Variants in TMLHE observed in about 807,000 individuals in gnomAD.
TMLHE encodes trimethyllysine dioxygenase, mitochondrial.
A neutral mutation model predicts 25.7 loss-of-function variants in TMLHE; 18 were observed. The observed-to-expected ratio is 0.70, with a 90% CI of 0.48 to 1.04. The LOEUF (loss-of-function observed/expected upper bound fraction) is 1.04. TMLHE is among the 50% of genes least tolerant of loss of function. TMLHE has a pLI of 0.00. For synonymous variants in TMLHE, 105 were observed against 97.0 expected (o/e 1.08, Z -0.49); for missense variants, 236 against 259.0 (o/e 0.91, Z 0.61).
At chrX:155,576,876 A>G (rs2067593518) in intron 1 of TMLHE, among the ~76,000 whole-genome samples, 1 of 112,318 alleles carries the variant, frequency 8.9e-6, no homozygotes, top group African/African-American at 3.2e-5. Context: ...TTCAAGACTT[A>G]TAAATGTAAA....
rs1198019535 is a variant in TMLHE, at chrX:155,565,368, G to C, written c.-1-20091C>G. 4.9e-5 allele frequency among the ~76,000 whole-genome samples: 3 copies of C among 61,566 alleles called. 1 individual carries two copies. The highest frequency in any genetic ancestry group is 1.4e-4 in the Non-Finnish European group (3 of 22,005). 53.5% of individuals were successfully genotyped at this position (61,566 alleles called of 115,157 possible). On this transcript the variant is annotated intron_variant, in intron 1 of 7. Transcript: ENST00000334398. The stretch of plus-strand genomic sequence containing the variant: ...TGAAGTAAAGTTTAGGTCAAACAAA[G>C]GTGGTCTAGGGTCAAGAGTAGGTGA...
At chrX:155,596,128 A>C (rs1319386182) in intron 1 of TMLHE, among the ~76,000 whole-genome samples, 2 of 112,183 alleles carry the variant, frequency 1.8e-5, no homozygotes, top group Non-Finnish European at 3.8e-5. Context: ...GTGCAAATGC[A>C]GTCAGGTTTA....
intron 1 of TMLHE, among the ~76,000 whole-genome samples, chrX:155,549,878 C>T (rs2067402231): frequency 9.1e-6 from 1 of 109,599 alleles, no homozygotes. Context: ...CTCCCCTAGC[C>T]CCCACTCCCC....
intron 2 of TMLHE, among the ~76,000 whole-genome samples, chrX:155,527,361 C>T (rs1557336611): frequency 1.8e-5 from 2 of 111,720 alleles, no homozygotes; most frequent in African/African-American, 6.5e-5. Context: ...CTTGCTTGCC[C>T]TTTACCTTCT....
intron 2 of TMLHE, among the ~76,000 whole-genome samples, chrX:155,530,852 A>T (rs1195453178): frequency 8.9e-6 from 1 of 112,559 alleles, no homozygotes; most frequent in African/African-American, 3.2e-5. Flanking sequence ...CTAAACCAAG[A>T]AAACCGGCAG....
chrX:155,556,387 C>T (rs948321580), intron 1 of TMLHE, among the ~76,000 whole-genome samples: 12 of 111,010 alleles, frequency 1.1e-4, no homozygotes, highest in African/African-American at 3.3e-4. Context: ...TCCTAAGCAT[C>T]GGCTGGCTTG....
At chrX:155,515,484 T>C (rs2067146199) in intron 3 of TMLHE, among the ~76,000 whole-genome samples, 1 of 110,894 alleles carries the variant, frequency 9.0e-6, no homozygotes, top group Non-Finnish European at 1.9e-5. Flanking sequence ...ATATTACATT[T>C]CTTAAAAGTT....
chrX:155,605,195 A>G (rs2067779709), intron 1 of TMLHE, among the ~76,000 whole-genome samples: 1 of 112,412 alleles, frequency 8.9e-6, no homozygotes, highest in African/African-American at 3.2e-5. Context: ...CTGAAAGATG[A>G]AATGGCCATT....
intron 4 of TMLHE, among the ~76,000 whole-genome samples, chrX:155,512,389 A>G (rs964412653): frequency 4.0e-5 from 4 of 100,912 alleles, no homozygotes; most frequent in African/African-American, 1.5e-4. Flanking sequence ...TCATTGTTCA[A>G]TTCCCACCTA....
chrX:155,557,111 C>T (rs1343108093), intron 1 of TMLHE, among the ~76,000 whole-genome samples: 3 of 111,546 alleles, frequency 2.7e-5, no homozygotes, highest in African/African-American at 6.5e-5. Flanking sequence ...GTGTAGTTAA[C>T]GCAATTATTA....
chrX:155,577,078 C>A (rs2067595276), intron 1 of TMLHE, among the ~76,000 whole-genome samples: 1 of 111,868 alleles, frequency 8.9e-6, no homozygotes. Context: ...AGACAACACA[C>A]AGAATGGGGC....
chrX:155,523,912 C>T (rs1240795854), intron 3 of TMLHE, among the ~76,000 whole-genome samples: 1 of 111,684 alleles, frequency 9.0e-6, no homozygotes, highest in Non-Finnish European at 1.9e-5. Context: ...TTATTTGAAG[C>T]TATTTTTGAA....
At chrX:155,559,067 C>A (rs1557341287) in intron 1 of TMLHE, among the ~76,000 whole-genome samples, 1 of 111,415 alleles carries the variant, frequency 9.0e-6, no homozygotes, top group Non-Finnish European at 1.9e-5. Flanking sequence ...CTTTGTTAGC[C>A]TCAGTAATAT....
intron 1 of TMLHE, among the ~76,000 whole-genome samples, chrX:155,559,885 C>T (rs1205320824): frequency 8.9e-6 from 1 of 112,168 alleles, no homozygotes; most frequent in African/African-American, 3.2e-5. Flanking sequence ...CTTCTTAAAA[C>T]ACTTTCATCA....
intron 1 of TMLHE, among the ~76,000 whole-genome samples, chrX:155,577,443 G>A (rs1424729122): frequency 1.8e-5 from 2 of 109,994 alleles, no homozygotes; most frequent in Non-Finnish European, 3.8e-5. Flanking sequence ...GTTGGCCATG[G>A]TGGTGTGCAC....
chrX:155,547,660 G>A lies in TMLHE; in HGVS notation c.-1-2383C>T, dbSNP rs1362609454. ...AAAGTGGTGGAGCTCCACATGACTA[G>A]TGTTCTTTGAAGAAGGTTTCATTGT... is the stretch of plus-strand genomic sequence containing the variant. On this transcript the variant is annotated intron_variant, in intron 1 of 7. Coordinates refer to ENST00000334398, the MANE Select transcript of TMLHE (RefSeq NM_018196.4). Among the ~76,000 whole-genome samples the A allele has an allele frequency of 5.5e-5, 6 of 109,375 alleles. No homozygotes were observed. In the Admixed American group the frequency reaches 5.9e-4, roughly 11 times the overall value. The allele number at this position is 109,375 out of a possible 115,157, so 95.0% of individuals were successfully genotyped here.
chrX:155,555,403 T>A (rs1402876605), intron 1 of TMLHE, among the ~76,000 whole-genome samples: 1 of 110,494 alleles, frequency 9.1e-6, no homozygotes, highest in Non-Finnish European at 1.9e-5. Flanking sequence ...AGTAATGGAA[T>A]CACTGGGTCA....
rs374448243 is a variant in TMLHE at position 155,556,489 on chromosome X, C to T, written c.-1-11212G>A. The stretch of plus-strand genomic sequence containing the variant: ...CATTGGTAGGATCCGTGATGCCCCA[C>T]AAGCCACAAAAACCAGCAAGTTTTT... On this transcript the variant is annotated intron_variant, in intron 1 of 7. Coordinates refer to ENST00000334398, the MANE Select transcript of TMLHE (RefSeq NM_018196.4). Among the ~76,000 whole-genome samples the T allele has an allele frequency of 3.2e-4, 35 of 110,154 alleles. No homozygotes were observed. In the East Asian group the frequency reaches 6.3e-3, roughly 20 times the overall value.
intron 1 of TMLHE, among the ~76,000 whole-genome samples, chrX:155,585,928 A>T (rs940803520): frequency 5.4e-5 from 6 of 111,606 alleles, no homozygotes; most frequent in African/African-American, 1.6e-4. Context: ...AACTGTAAAA[A>T]TCCATCGTTA....
Sources: allele counts gnomAD v4.1 joint callset (sites outside exome capture counted in the v4.1 genomes callset), GRCh38; gene constraint gnomAD v4.1.1; transcripts MANE v1.5; gene names NCBI Gene and HGNC (gene_info 2026-07-23, HGNC 2026-07-21).